PIGK: variants seen among roughly 807,000 people sequenced by gnomAD.
PIGK encodes GPI-anchor transamidase.
A neutral mutation model predicts 50.6 loss-of-function variants in PIGK; 42 were observed. That is an observed-to-expected ratio of 0.83 (90% CI 0.65 to 1.07). The LOEUF is 1.07. Ranked by LOEUF, PIGK falls within the 50% of genes least tolerant of loss-of-function variation. The pLI is 0.00. For synonymous variants in PIGK, 151 were observed against 156.0 expected (o/e 0.97, Z 0.24); for missense variants, 448 against 488.7 (o/e 0.92, Z 0.78).
At chr1:77,213,592 A>C (rs929169221) in intron 1 of PIGK, among the ~76,000 whole-genome samples, 6 of 152,324 alleles carry the variant, frequency 3.9e-5, no homozygotes, top group Admixed American at 3.3e-4. Flanking sequence ...TTATTGCAAT[A>C]ATCGCCTACA....
chr1:77,110,016 T>G (rs1653799821), intron 10 of PIGK, among the ~76,000 whole-genome samples: 1 of 152,020 alleles, frequency 6.6e-6, no homozygotes, highest in African/African-American at 2.4e-5. Context: ...CACAATTGCT[T>G]CAAAGAGAAT....
intron 10 of PIGK, among the ~76,000 whole-genome samples, chr1:77,113,166 T>C (rs558426119): frequency 6.6e-6 from 1 of 151,812 alleles, no homozygotes; most frequent in Non-Finnish European, 1.5e-5. Context: ...TTATAAAAAA[T>C]TTTTAAAAGA....
intron 9 of PIGK, chr1:77,129,661 G>A (rs776548946): frequency 1.7e-5 from 22 of 1,273,618 alleles, no homozygotes; most frequent in Admixed American, 9.3e-5. Flanking sequence ...CTTATGGCAC[G>A]GGAGTAAATT....
Position 77,169,232 on chromosome 1 carries a change from A to T in PIGK, c.375+28T>A, listed in dbSNP as rs367598311. 293 of 1,421,270 alleles carry T rather than the reference A, an allele frequency of 2.1e-4. 3 individuals carry two copies. In the African/African-American group the frequency reaches 3.9e-3, roughly 19 times the overall value. 88.0% of individuals were successfully genotyped at this position (1,421,270 alleles called of 1,614,324 possible). A position where few individuals can be genotyped will look rare whatever the true frequency, so the allele number is the denominator to read the frequency against. ...AGCCTAAAAGTAACAATGCCATTTT[A>T]AAAATGTGGCTAGATTAAAGAATTT... On this transcript the variant is annotated intron_variant, in intron 4 of 10. Coordinates refer to ENST00000370812, the MANE Select transcript of PIGK (RefSeq NM_005482.3).
chr1:77,203,731 T>C (rs1350101580), intron 3 of PIGK, among the ~76,000 whole-genome samples: 1 of 152,194 alleles, frequency 6.6e-6, no homozygotes, highest in Non-Finnish European at 1.5e-5. Flanking sequence ...TTCATGGACA[T>C]TTATTAGTTA....
At chr1:77,101,672 A>G (rs1653544129) in intron 10 of PIGK, among the ~76,000 whole-genome samples, 2 of 152,200 alleles carry the variant, frequency 1.3e-5, no homozygotes, top group Admixed American at 1.3e-4. Flanking sequence ...CAACTGTATA[A>G]TCTAGTTTAG....
At chr1:77,146,738 G>A (rs534797644) in intron 9 of PIGK, among the ~76,000 whole-genome samples, 11 of 151,756 alleles carry the variant, frequency 7.2e-5, no homozygotes, top group African/African-American at 1.7e-4. Flanking sequence ...CGGAGGTTGC[G>A]GTGAGCCAAG....
intron 3 of PIGK, among the ~76,000 whole-genome samples, chr1:77,204,524 C>G (rs138054443): frequency 0.037 from 5,620 of 152,190 alleles, 203 homozygotes; most frequent in South Asian, 0.21. Flanking sequence ...ACACCCTATT[C>G]GTACACCCCT....
At position 77,161,288 on chromosome 1, in the gene PIGK, T is replaced by A; in HGVS notation, c.813+7A>T. 1 of 1,338,450 alleles carries A rather than the reference T, an allele frequency of 7.5e-7. No homozygotes were observed. The highest frequency in any genetic ancestry group is 1.1e-6 in the Non-Finnish European group (1 of 928,766). 82.9% of individuals were successfully genotyped at this position (1,338,450 alleles called of 1,614,324 possible). On this transcript the variant is annotated splice_region_variant and intron_variant, in intron 8 of 10. Transcript: ENST00000370812. The stretch of plus-strand genomic sequence containing the variant: ...ATGTGCTATAATCAAATCAAGTGAA[T>A]ACTTACAAGGTCATTCATATTAGTT...
At chr1:77,217,122 G>A (rs1240280387) in intron 1 of PIGK, among the ~76,000 whole-genome samples, 1 of 152,106 alleles carries the variant, frequency 6.6e-6, no homozygotes, top group Non-Finnish European at 1.5e-5. Context: ...CACTCATTGG[G>A]CAACATGCCA....
intron 10 of PIGK, among the ~76,000 whole-genome samples, chr1:77,104,734 C>A (rs996809827): frequency 1.3e-5 from 2 of 152,216 alleles, no homozygotes; most frequent in African/African-American, 4.8e-5. Flanking sequence ...TGCTCAACTC[C>A]TTGTGGGAGG....
intron 9 of PIGK, among the ~76,000 whole-genome samples, chr1:77,130,127 A>G (rs1654334085): frequency 6.7e-6 from 1 of 150,028 alleles, no homozygotes; most frequent in Non-Finnish European, 1.5e-5. Flanking sequence ...AAATTCTTTG[A>G]AATAGATGTT....
chr1:77,107,348 C>T (rs1201193008), intron 10 of PIGK, among the ~76,000 whole-genome samples: 1 of 152,054 alleles, frequency 6.6e-6, no homozygotes, highest in Non-Finnish European at 1.5e-5. Context: ...CATTATGTAC[C>T]CAGTAGTCAT....
At chr1:77,101,582 T>C (rs896969889) in intron 10 of PIGK, among the ~76,000 whole-genome samples, 1 of 152,236 alleles carries the variant, frequency 6.6e-6, no homozygotes, top group Non-Finnish European at 1.5e-5. Context: ...AATACTCAAA[T>C]ATAAACATCA....
intron 9 of PIGK, among the ~76,000 whole-genome samples, chr1:77,144,027 G>A (rs1270095426): frequency 6.6e-6 from 1 of 152,022 alleles, no homozygotes; most frequent in Non-Finnish European, 1.5e-5. Context: ...TTTTACAGAT[G>A]CAGAAACTGA....
chr1:77,204,496 A>T (rs576608696), intron 3 of PIGK, among the ~76,000 whole-genome samples: 1 of 152,222 alleles, frequency 6.6e-6, no homozygotes, highest in South Asian at 2.1e-4. Context: ...CCCTTGAAGC[A>T]TGTGATCTCT....
intron 3 of PIGK, among the ~76,000 whole-genome samples, chr1:77,185,421 T>G (rs2100571892): frequency 6.6e-6 from 1 of 152,248 alleles, no homozygotes; most frequent in African/African-American, 2.4e-5. Flanking sequence ...GGGAAATAAA[T>G]CCAACTAAAA....
intron 10 of PIGK, among the ~76,000 whole-genome samples, chr1:77,101,356 A>G (rs1439949522): frequency 1.3e-5 from 2 of 150,954 alleles, no homozygotes; most frequent in Non-Finnish European, 2.9e-5. Context: ...GTCTATTCTC[A>G]TACCCCAGTA....
At position 77,121,265 on chromosome 1, in the gene PIGK, C is replaced by T. The variant is rs182484888; in HGVS notation, c.1071+1010G>A. Among the ~76,000 whole-genome samples the T allele has an allele frequency of 2.5e-3, 388 of 152,206 alleles. 2 individuals carry two copies. Among genetic ancestry groups the T allele is most frequent in the African/African-American group, 8.3e-3 (344 of 41,524 alleles). On this transcript the variant is annotated intron_variant, in intron 10 of 10. Coordinates refer to ENST00000370812, the MANE Select transcript of PIGK (RefSeq NM_005482.3). ...GACTGTTAGGTCATTTAAGCTCTGA[C>T]AACACTAGGGAATTCCTGACATATA...
Sources: gnomAD v4.1 joint callset for allele counts (sites outside exome capture counted in the v4.1 genomes callset) on GRCh38, gnomAD v4.1.1 for gene constraint, MANE v1.5 for transcripts, NCBI Gene and HGNC (gene_info 2026-07-23, HGNC 2026-07-21) for gene names.